Variants in ACVR1B observed in about 807,000 individuals in gnomAD.
ACVR1B encodes the protein activin A receptor type 1B, also known as activin receptor type-1B.
ACVR1B carries 15 observed loss-of-function variants against 55.6 expected under a neutral mutation model. The observed-to-expected ratio is 0.27, with a 90% CI of 0.18 to 0.42. The LOEUF (loss-of-function observed/expected upper bound fraction) is 0.42, where lower values mean the gene tolerates loss of function less well. ACVR1B is among the 10% of genes least tolerant of loss of function. ACVR1B has a pLI of 1.00. For missense variants in ACVR1B, 359 were observed against 670.1 expected (o/e 0.54, Z 5.13); for synonymous variants, 247 against 254.6 (o/e 0.97, Z 0.28).
At chr12:51,961,367 G>T (rs1216699888) in intron 1 of ACVR1B, among the ~76,000 whole-genome samples, 1 of 151,862 alleles carries the variant, frequency 6.6e-6, no homozygotes, top group East Asian at 1.9e-4. Context: ...ATTCTGTTTT[G>T]CTCTAATGTT....
At chr12:51,970,935 T>TC (rs1392270761) in intron 1 of ACVR1B, among the ~76,000 whole-genome samples, 3 of 152,196 alleles carry the variant, frequency 2.0e-5, no homozygotes, top group Non-Finnish European at 4.4e-5. Flanking sequence ...CCTTCATCTG[T>TC]TAGGACAAAC....
intron 1 of ACVR1B, among the ~76,000 whole-genome samples, chr12:51,973,868 G>A (rs1202117163): frequency 1.3e-5 from 2 of 152,130 alleles, no homozygotes; most frequent in African/African-American, 4.8e-5. Context: ...TCCTCGGGTG[G>A]GACTAGCAAG....
Position 51,986,947 on chromosome 12 carries a change from C to G in ACVR1B, c.1261+5C>G. 6.2e-7 allele frequency: 1 copy of G among 1,614,218 alleles called. No individual in the cohort carries two copies. On this transcript the variant is annotated splice_donor_5th_base_variant and intron_variant, in intron 7 of 8. Transcript: ENST00000257963. ...CTCGAAGATGCAATTCTGGAGGTAC[C>G]TTTCTTTTTTGCCTTTGCTCCTACC...
Position 51,951,763 on chromosome 12 carries a change from C to T in ACVR1B, c.20C>T (p.Ala7Val), listed in dbSNP as rs1196612837. 2 of 1,287,370 alleles carry T rather than the reference C, an allele frequency of 1.6e-6. No individual in the cohort carries two copies. The highest frequency in any genetic ancestry group is 2.5e-4 in the Middle Eastern group (1 of 4,062). The allele number at this position is 1,287,370 out of a possible 1,614,324, so 79.7% of individuals were successfully genotyped here. A position where few individuals can be genotyped will look rare whatever the true frequency, so the allele number is the denominator to read the frequency against. ...GTTACTATGGCGGAGTCGGCCGGAG[C>T]CTCCTCCTTCTTCCCCCTTGTTGTC... MAESAG[A>V]SSFFPLVVLL... The change falls in exon 1 of 9, where the codon GCC becomes GTC. Residue 7 changes from alanine to valine, a missense_variant. Around this residue, in one of 5 missense-constraint regions of ACVR1B, gnomAD observed 48 missense variants for 40.6 expected, o/e 1.18. Transcript: ENST00000257963.
intron 1 of ACVR1B, among the ~76,000 whole-genome samples, chr12:51,970,721 GT>G (rs1941730721): frequency 6.6e-6 from 1 of 152,124 alleles, no homozygotes; most frequent in South Asian, 2.1e-4. Flanking sequence ...CTGAGAAGCA[GT>G]TTATGATCAA....
intron 3 of ACVR1B, among the ~76,000 whole-genome samples, chr12:51,978,933 C>T (rs1592254983): frequency 6.6e-6 from 1 of 151,246 alleles, no homozygotes; most frequent in Middle Eastern, 3.5e-3. Context: ...AGTCTTGAGG[C>T]CGGGCAGATC....
chr12:51,992,014 G>T (rs758222949), intron 8 of ACVR1B, 21 bp downstream of exon 8: 1 of 1,614,034 alleles, frequency 6.2e-7, no homozygotes, highest in African/African-American at 1.3e-5. Flanking sequence ...GGCCTCCTGC[G>T]GCTTTCCCAT....
chr12:51,983,665 G>A (rs1220777255), intron 4 of ACVR1B, among the ~76,000 whole-genome samples: 1 of 152,210 alleles, frequency 6.6e-6, no homozygotes, highest in African/African-American at 2.4e-5. Flanking sequence ...CAAAGCTGGT[G>A]ATAGCTGTTA....
chr12:51,980,926 C>A, intron 3 of ACVR1B, 43 bp from the exon 4 acceptor site: 1 of 1,538,148 alleles, frequency 6.5e-7, no homozygotes, highest in South Asian at 1.3e-5. Flanking sequence ...GAAAATTTGT[C>A]AAATTTGCAA....
At chr12:51,964,287 T>C (rs1225926267) in intron 1 of ACVR1B, among the ~76,000 whole-genome samples, 2 of 152,244 alleles carry the variant, frequency 1.3e-5, no homozygotes, top group African/African-American at 4.8e-5. Flanking sequence ...ACCGCAGGCA[T>C]GCACCACCTT....
intron 1 of ACVR1B, among the ~76,000 whole-genome samples, chr12:51,964,703 C>T (rs917460956): frequency 1.3e-5 from 2 of 152,136 alleles, no homozygotes; most frequent in Non-Finnish European, 2.9e-5. Context: ...TGTTCATCAC[C>T]ATATTTTGAA....
intron 1 of ACVR1B, among the ~76,000 whole-genome samples, chr12:51,952,889 C>G (rs1424441529): frequency 6.6e-6 from 1 of 151,424 alleles, no homozygotes; most frequent in Admixed American, 6.6e-5. Flanking sequence ...CCCCACTCTC[C>G]TCTCTGTAGA....
chr12:51,970,937 A>AAGTCCT (rs1440251298), intron 1 of ACVR1B, among the ~76,000 whole-genome samples: 3 of 152,214 alleles, frequency 2.0e-5, no homozygotes, highest in Non-Finnish European at 4.4e-5. Context: ...TTCATCTGTT[A>AAGTCCT]GGACAAACTT....
intron 1 of ACVR1B, among the ~76,000 whole-genome samples, chr12:51,971,094 A>C (rs1319363231): frequency 6.6e-6 from 1 of 152,076 alleles, no homozygotes; most frequent in African/African-American, 2.4e-5. Context: ...GAGAATTCTT[A>C]GCTGGGCCAT....
intron 7 of ACVR1B, chr12:51,987,426 A>C: frequency 2.6e-6 from 1 of 382,574 alleles, no homozygotes; most frequent in Non-Finnish European, 4.7e-6. Flanking sequence ...CATAGTTAAA[A>C]ATCGTTGGCA....
chr12:51,995,346 T>C lies in ACVR1B; in HGVS notation c.*1236T>C, dbSNP rs1942279505. On this transcript the variant is annotated 3_prime_UTR_variant, in exon 9 of 9. Coordinates refer to ENST00000257963, the MANE Select transcript of ACVR1B (RefSeq NM_004302.5). Reference sequence around the variant, plus strand: ...GGAGGCATCTGCATGGGTCTTCTTTTACTGGACTGTCTGATCAGGGTGGAG... The same window carrying C: ...GGAGGCATCTGCATGGGTCTTCTTTCACTGGACTGTCTGATCAGGGTGGAG... 1 of 152,204 alleles carries C rather than the reference T, an allele frequency of 6.6e-6. No homozygotes were observed. Among genetic ancestry groups the C allele is most frequent in the Admixed American group, 6.6e-5 (1 of 15,256 alleles). The allele number at this position is 152,204 out of a possible 1,614,324, so 9.4% of individuals were successfully genotyped here.
chr12:51,980,842 A>G (rs1042516227), intron 3 of ACVR1B, 127 bp from the exon 4 acceptor site: 1 of 748,644 alleles, frequency 1.3e-6, no homozygotes, highest in Non-Finnish European at 2.1e-6. Context: ...GCAGCTCTCC[A>G]TGGTTAATGG....
chr12:51,964,928 T>C (rs1226755556), intron 1 of ACVR1B, among the ~76,000 whole-genome samples: 3 of 152,144 alleles, frequency 2.0e-5, no homozygotes, highest in Admixed American at 2.0e-4. Context: ...CAAGATTGTT[T>C]GGACTATTCA....
At position 51,976,590 on chromosome 12, in the gene ACVR1B, A is replaced by T; in HGVS notation, c.580+15A>T. 1 of 1,611,790 alleles carries T rather than the reference A, an allele frequency of 6.2e-7. No individual in the cohort carries two copies. Among genetic ancestry groups the T allele is most frequent in the South Asian group, 1.1e-5 (1 of 91,000 alleles). ...GTCTGGCTCAGGTACCAAGTTCTTCAGGGCATCATGTCTGTGGTTGGCTTT... is the reference window on the plus strand; with the variant it reads ...GTCTGGCTCAGGTACCAAGTTCTTCTGGGCATCATGTCTGTGGTTGGCTTT... On this transcript the variant is annotated intron_variant, in intron 3 of 8. Coordinates refer to ENST00000257963, the MANE Select transcript of ACVR1B (RefSeq NM_004302.5).
Sources: gnomAD v4.1 joint callset for allele counts (sites outside exome capture counted in the v4.1 genomes callset) on GRCh38, gnomAD v4.1.1 for gene constraint, gnomAD v4.1.1 regional missense constraint, MANE v1.5 for transcripts, NCBI Gene and HGNC (gene_info 2026-07-23, HGNC 2026-07-21) for gene names.